PTPRC: variants seen among roughly 807,000 people sequenced by gnomAD.
PTPRC encodes the protein protein tyrosine phosphatase receptor type C, also known as receptor-type tyrosine-protein phosphatase C.
Under a neutral mutation model 155.9 loss-of-function variants are expected in PTPRC, and 44 were observed. The ratio of observed to expected loss-of-function variants is 0.28; its 90% confidence interval spans 0.22 to 0.36. PTPRC has a LOEUF of 0.36. Ranked by LOEUF, PTPRC falls within the 10% of genes least tolerant of loss-of-function variation. The probability of loss-of-function intolerance (pLI) is 1.00; values close to 1 mark genes in which losing one functional copy is unlikely to be tolerated. For missense variants in PTPRC, 1,401 were observed against 1,564.6 expected (o/e 0.90, Z 1.76); for synonymous variants, 525 against 533.1 (o/e 0.98, Z 0.21).
chr1:198,694,557 G>A, intron 3 of PTPRC: 1 of 988,418 alleles, frequency 1.0e-6, no homozygotes, highest in Non-Finnish European at 1.2e-6. Context: ...GACGATAAAG[G>A]GAACTTGTTG....
In PTPRC at chr1:198,706,722, A is replaced by AT; in HGVS notation, c.686-8dup. 6.2e-7 allele frequency: 1 copy of AT among 1,603,176 alleles called. No homozygotes were observed. On this transcript the variant is annotated splice_polypyrimidine_tract_variant and intron_variant, in intron 8 of 32. Transcript: ENST00000442510. ...CTGGAAAAATAACACTCAATGTTCT[A>AT]TTTTCTTTTAGATGAAAAATATGCA... is the stretch of plus-strand genomic sequence containing the variant.
chr1:198,651,877 T>TGAA (rs1663273034), intron 2 of PTPRC, among the ~76,000 whole-genome samples: 1 of 151,840 alleles, frequency 6.6e-6, no homozygotes, highest in South Asian at 2.1e-4. Flanking sequence ...GTGTCTCGTG[T>TGAA]GCCTGGCACT....
intron 23 of PTPRC, among the ~76,000 whole-genome samples, chr1:198,739,104 A>T (rs1415186991): frequency 1.3e-5 from 2 of 151,746 alleles, no homozygotes; most frequent in Non-Finnish European, 2.9e-5. Flanking sequence ...AGAAATTAAA[A>T]CAGACCACCA....
In PTPRC at chr1:198,734,434, C is replaced by G. The variant is rs768117424; in HGVS notation, c.2277+9C>G. On this transcript the variant is annotated intron_variant, in intron 22 of 32. Transcript: ENST00000442510. ...GTGAAGAAGGAAACAGGGTAAGAACCAAGAAGATTCATAGTGTGGGTCTTG... is the reference window on the plus strand; with the variant it reads ...GTGAAGAAGGAAACAGGGTAAGAACGAAGAAGATTCATAGTGTGGGTCTTG... 1.9e-6 allele frequency: 3 copies of G among 1,608,068 alleles called. No individual in the cohort carries two copies. In the South Asian group the frequency reaches 3.3e-5, roughly 18 times the overall value.
At chr1:198,648,992 G>A (rs1279010254) in intron 2 of PTPRC, among the ~76,000 whole-genome samples, 2 of 151,598 alleles carry the variant, frequency 1.3e-5, no homozygotes, top group Non-Finnish European at 2.9e-5. Flanking sequence ...AACACATAAG[G>A]TTCTCATCTT....
chr1:198,644,825 T>A (rs1326269), intron 2 of PTPRC, among the ~76,000 whole-genome samples: 74,431 of 151,450 alleles, frequency 0.49, 19,180 homozygotes, highest in East Asian at 0.82. Context: ...TAAACAAATA[T>A]ATTCTATGGT....
chr1:198,742,778 A>AT (rs1261180209), intron 25 of PTPRC, among the ~76,000 whole-genome samples: 2 of 151,860 alleles, frequency 1.3e-5, no homozygotes, highest in African/African-American at 4.8e-5. Context: ...TACGAGGGTG[A>AT]GTGGTATTGT....
chr1:198,708,161 T>C lies in PTPRC; in HGVS notation c.933T>C (p.Cys311=), dbSNP rs766607810. 2 of 1,606,992 alleles carry C rather than the reference T, an allele frequency of 1.2e-6. No homozygotes were observed. The highest frequency in any genetic ancestry group is 1.3e-5 in the African/African-American group (1 of 74,854). ...PGVEKFQLHD[C]TQVEKADTTI... is the part of the protein sequence containing the mutation. The stretch of plus-strand genomic sequence containing the variant: ...TTGAAAAGTTTCAGTTACATGATTG[T>C]ACACAAGTTGAAAAAGCAGATACTA... The change falls in exon 10 of 33, where the codon TGT becomes TGC. Residue 311 remains cysteine, a synonymous_variant. Transcript: ENST00000442510.
intron 26 of PTPRC, among the ~76,000 whole-genome samples, chr1:198,745,169 T>C (rs1431500852): frequency 6.6e-6 from 1 of 151,908 alleles, no homozygotes; most frequent in African/African-American, 2.4e-5. Flanking sequence ...TTATTTACTA[T>C]AGAAAAGACA....
Position 198,734,425 on chromosome 1 carries a change from G to A in PTPRC, c.2277G>A (p.Arg759=). The A allele has an allele frequency of 6.2e-7, 1 of 1,610,158 alleles. No homozygotes were observed. Among genetic ancestry groups the A allele is most frequent in the Non-Finnish European group, 8.5e-7 (1 of 1,177,242 alleles). Residue 759 remains arginine, a splice_region_variant and synonymous_variant, in exon 22 of 33, where the codon AGG becomes AGA. Transcript: ENST00000442510. The stretch of plus-strand genomic sequence containing the variant: ...TCACTCGATGTGAAGAAGGAAACAG[G>A]GTAAGAACCAAGAAGATTCATAGTG... ...VMVTRCEEGN[R]NKCAEYWPSM... is the part of the protein sequence containing the mutation.
intron 29 of PTPRC, 38 bp from the exon 30 acceptor site, chr1:198,752,211 A>T: frequency 1.3e-6 from 2 of 1,598,136 alleles, no homozygotes; most frequent in Non-Finnish European, 1.7e-6. Context: ...CATATTTCAA[A>T]TAGGAAACAA....
Position 198,731,710 on chromosome 1 carries a change from T to A in PTPRC, c.1958T>A (p.Phe653Tyr). The A allele has an allele frequency of 6.2e-7, 1 of 1,604,916 alleles. No homozygotes were observed. Residue 653 changes from phenylalanine (F) to tyrosine (Y), a missense_variant, in exon 18 of 33, where the codon TTT becomes TAT. By Grantham distance (22) the Phe-to-Tyr change is conservative. This residue lies in a region of PTPRC where 867 missense variants were observed against 970.4 expected (regional missense o/e 0.89). Coordinates refer to ENST00000442510, the MANE Select transcript of PTPRC (RefSeq NM_002838.5). Reference protein sequence around the residue: ...KRKIADEGRLFLAEFQSIPRV... With the variant: ...KRKIADEGRLYLAEFQSIPRV... ...AAGATTGCTGATGAAGGAAGACTTT[T>A]TCTGGCTGAATTTCAGGTGTGTGTT...
At chr1:198,669,603 G>A (rs1346513339) in intron 2 of PTPRC, among the ~76,000 whole-genome samples, 1 of 151,812 alleles carries the variant, frequency 6.6e-6, no homozygotes, top group East Asian at 1.9e-4. Flanking sequence ...TGGAATCCAC[G>A]GCATGGTGAA....
At chr1:198,695,568 T>G (rs994973894) in intron 3 of PTPRC, among the ~76,000 whole-genome samples, 1 of 152,020 alleles carries the variant, frequency 6.6e-6, no homozygotes, top group Non-Finnish European at 1.5e-5. Flanking sequence ...TTAAAAAAAC[T>G]TTAAAGGACT....
chr1:198,702,916 A>G lies in PTPRC; in HGVS notation c.584-382A>G, dbSNP rs575973835. Among the ~76,000 whole-genome samples, 19 of 152,352 alleles carry G rather than the reference A, an allele frequency of 1.2e-4. No homozygotes were observed. The East Asian group carries it at 3.5e-3, about 28-fold the overall frequency. On this transcript the variant is annotated intron_variant, in intron 6 of 32. Transcript: ENST00000442510. Reference sequence around the variant, plus strand: ...ACTCCTTTTTTAATTATGTCAAAATAATTAACGTGATGTCTGAATATGTAA... The same window carrying G: ...ACTCCTTTTTTAATTATGTCAAAATGATTAACGTGATGTCTGAATATGTAA...
chr1:198,643,900 TA>T (rs1287390414), intron 2 of PTPRC, among the ~76,000 whole-genome samples: 3 of 151,926 alleles, frequency 2.0e-5, no homozygotes, highest in African/African-American at 7.2e-5. Flanking sequence ...GGTGTTGCAT[TA>T]TTTGCACGAC....
At chr1:198,648,261 T>C (rs951839096) in intron 2 of PTPRC, among the ~76,000 whole-genome samples, 5 of 151,866 alleles carry the variant, frequency 3.3e-5, no homozygotes, top group Admixed American at 2.6e-4. Flanking sequence ...AAAATGTTTA[T>C]GTGGAGAGAA....
chr1:198,670,010 G>A (rs533154276), intron 2 of PTPRC, among the ~76,000 whole-genome samples: 1 of 152,262 alleles, frequency 6.6e-6, no homozygotes, highest in African/African-American at 2.4e-5. Context: ...ATACGGAACT[G>A]TAAGAATAAT....
At chr1:198,689,063 T>G (rs1167294420) in intron 2 of PTPRC, among the ~76,000 whole-genome samples, 1 of 152,186 alleles carries the variant, frequency 6.6e-6, no homozygotes, top group Non-Finnish European at 1.5e-5. Flanking sequence ...CAATAAAATA[T>G]TATTTCTAAA....
Sources: allele counts gnomAD v4.1 joint callset (sites outside exome capture counted in the v4.1 genomes callset), GRCh38; gene constraint gnomAD v4.1.1; regional missense constraint gnomAD v4.1.1; transcripts MANE v1.5; gene names NCBI Gene and HGNC (gene_info 2026-07-23, HGNC 2026-07-21).